TMTC4: variants seen among roughly 807,000 people sequenced by gnomAD.
The protein encoded by TMTC4 is transmembrane O-mannosyltransferase targeting cadherins 4, also known as protein O-mannosyl-transferase TMTC4.
In TMTC4, 65 loss-of-function variants were observed where a neutral mutation model predicts 86.0. The ratio of observed to expected loss-of-function variants is 0.76; its 90% CI spans 0.62 to 0.93. TMTC4 has a LOEUF of 0.93. Among genes scored for constraint, TMTC4 ranks in the 40% least tolerant of loss-of-function variants. The pLI is 0.00. For missense variants in TMTC4, 866 were observed against 948.1 expected (o/e 0.91, Z 1.14); for synonymous variants, 379 against 382.5 (o/e 0.99, Z 0.11).
At chr13:100,656,340 T>C (rs944810977) in intron 6 of TMTC4, 41 bp downstream of exon 6, 2 of 1,564,768 alleles carry the variant, frequency 1.3e-6, no homozygotes, top group Admixed American at 1.8e-5. Flanking sequence ...GACAAAAACA[T>C]GAAGAAGGTG....
intron 1 of TMTC4, among the ~76,000 whole-genome samples, chr13:100,672,400 G>A (rs989156023): frequency 6.6e-6 from 1 of 152,186 alleles, no homozygotes; most frequent in Non-Finnish European, 1.5e-5. Flanking sequence ...AACGACTTCT[G>A]TTCCTCAATG....
intron 7 of TMTC4, among the ~76,000 whole-genome samples, chr13:100,641,526 T>C (rs567688569): frequency 2.0e-4 from 31 of 152,200 alleles, no homozygotes; most frequent in African/African-American, 7.0e-4. Context: ...TTGCTGTTGT[T>C]GTCTAGGCTA....
chr13:100,649,737 C>T (rs935515842), intron 6 of TMTC4, among the ~76,000 whole-genome samples: 1 of 150,568 alleles, frequency 6.6e-6, no homozygotes, highest in South Asian at 2.1e-4. Flanking sequence ...CTGGAAGAAT[C>T]GCCATCATTA....
At position 100,635,127 on chromosome 13, in the gene TMTC4, A is replaced by G; in HGVS notation, c.1271T>C (p.Val424Ala). ...FLPASNLFFR[V>A]GFVVAERVLY... ...GACACGCTCTGCGACCACGAAGCCC[A>G]CTCGGAAGAACAGGTTACTCGCGGG... is the stretch of plus-strand genomic sequence containing the variant. Residue 424 changes from valine (V) to alanine (A), a missense_variant, in exon 11 of 19, where the codon GTG becomes GCG. By Grantham distance (64) the Val-to-Ala change is moderately conservative (BLOSUM62 0). Coordinates refer to ENST00000342624, the MANE Select transcript of TMTC4 (RefSeq NM_032813.5). The G allele has an allele frequency of 6.2e-7, 1 of 1,614,082 alleles. No individual in the cohort carries two copies. Among genetic ancestry groups the G allele is most frequent in the Non-Finnish European group, 8.5e-7 (1 of 1,180,006 alleles).
chr13:100,623,933 A>C (rs1489766845), intron 15 of TMTC4: 56 of 483,846 alleles, frequency 1.2e-4, no homozygotes, highest in Middle Eastern at 6.5e-4. Flanking sequence ...TGGTGCCTAA[A>C]GCTGTCTTTG....
At chr13:100,628,769 C>T (rs192564786) in intron 12 of TMTC4, among the ~76,000 whole-genome samples, 1 of 152,210 alleles carries the variant, frequency 6.6e-6, no homozygotes, top group East Asian at 1.9e-4. Flanking sequence ...TAAACATGGG[C>T]TTAGAATAAA....
intron 3 of TMTC4, chr13:100,665,845 T>C (rs563610001): frequency 7.9e-5 from 26 of 327,508 alleles, no homozygotes; most frequent in South Asian, 3.0e-4. Context: ...TTTGCTTCCA[T>C]GGGCATCGGC....
rs1881960637 is a variant in TMTC4 at position 100,634,791 on chromosome 13, T to G, written c.1506+14A>C. The G allele has an allele frequency of 5.6e-6, 9 of 1,609,516 alleles. No individual in the cohort carries two copies. The highest frequency in any genetic ancestry group is 7.6e-6 in the Non-Finnish European group (9 of 1,178,476). ...TAGTAAGGTCCCTTTAAAAGAAATC[T>G]GGCAGCTAGGTACCTTAGCATTGAG... On this transcript the variant is annotated intron_variant, in intron 12 of 18. Transcript: ENST00000342624.
rs949337670 is a variant in TMTC4, at chr13:100,637,565, G to A, written c.972C>T (p.Ala324=). ...PPAFTEVDNP[A]SFADSMLVRA... ...TCACCAGCATGCTGTCAGCAAAGGA[G>A]GCCGGGTTGTCCACCTCGGTGAAGG... The change falls in exon 9 of 19, where the codon GCC becomes GCT. Residue 324 remains alanine (A), a synonymous_variant. Transcript: ENST00000342624. 1.2e-6 allele frequency: 2 copies of A among 1,613,950 alleles called. No individual in the cohort carries two copies. Among genetic ancestry groups the A allele is most frequent in the Admixed American group, 3.3e-5 (2 of 60,000 alleles).
At chr13:100,614,281 A>AT in intron 16 of TMTC4, 35 bp downstream of exon 16, 1 of 1,518,126 alleles carries the variant, frequency 6.6e-7, no homozygotes, top group Non-Finnish European at 9.1e-7. Context: ...CTGTGGAGCC[A>AT]TTTCCTGTGA....
intron 16 of TMTC4, among the ~76,000 whole-genome samples, chr13:100,613,767 TCCCTCCCTCCCTC>T (rs970344460): frequency 3.4e-4 from 47 of 138,050 alleles, no homozygotes; most frequent in Admixed American, 1.0e-3. Context: ...TTCCCTCCCT[TCCCTCCCTCCCTC>T]CCTTCCTTCC....
intron 7 of TMTC4, among the ~76,000 whole-genome samples, chr13:100,639,162 C>G (rs1478071885): frequency 2.0e-5 from 3 of 152,146 alleles, no homozygotes; most frequent in Non-Finnish European, 4.4e-5. Flanking sequence ...ATATGATCTT[C>G]TTTGCGGCAA....
Position 100,625,550 on chromosome 13 carries a change from G to A in TMTC4, c.1821C>T (p.Tyr607=). ...CCGCGCTTACCAGACGCCCGAGGTTGTAGTAACAGTCTGGGTATTTCCTTC... is the reference window on the plus strand; with the variant it reads ...CCGCGCTTACCAGACGCCCGAGGTTATAGTAACAGTCTGGGTATTTCCTTC... The part of the protein sequence containing the change: ...KHRRKYPDCY[Y]NLGRLYADLN... The change falls in exon 15 of 19, where the codon TAC becomes TAT. Residue 607 remains tyrosine, a synonymous_variant. Coordinates refer to ENST00000342624, the MANE Select transcript of TMTC4 (RefSeq NM_032813.5). The A allele has an allele frequency of 6.2e-7, 1 of 1,614,098 alleles. No individual in the cohort carries two copies. Among genetic ancestry groups the A allele is most frequent in the South Asian group, 1.1e-5 (1 of 91,086 alleles).
chr13:100,635,330 C>A, intron 10 of TMTC4, 135 bp from the exon 11 acceptor site: 1 of 986,768 alleles, frequency 1.0e-6, no homozygotes, highest in Non-Finnish European at 1.4e-6. Flanking sequence ...TGTTGTCAGC[C>A]AAAGGATATC....
At position 100,664,310 on chromosome 13, in the gene TMTC4, C is replaced by T; in HGVS notation, c.246G>A (p.Gly82=). 1 of 1,610,780 alleles carries T rather than the reference C, an allele frequency of 6.2e-7. No homozygotes were observed. The highest frequency in any genetic ancestry group is 8.5e-7 in the Non-Finnish European group (1 of 1,178,352). ...NKDLQAETPL[G]DLWHHDFWGS... is the part of the protein sequence containing the mutation. ...CCCAGAAGTCATGATGCCACAGGTC[C>T]CCCAGGGGCGTTTCTGCTTGGAGGT... The change falls in exon 4 of 19, where the codon GGG becomes GGA. Residue 82 remains glycine, a synonymous_variant. Transcript: ENST00000342624.
At chr13:100,633,523 C>A (rs984705926) in intron 12 of TMTC4, among the ~76,000 whole-genome samples, 3 of 152,202 alleles carry the variant, frequency 2.0e-5, no homozygotes, top group East Asian at 1.9e-4. Context: ...AGCTTGGATT[C>A]ATCAAGAATA....
intron 6 of TMTC4, among the ~76,000 whole-genome samples, chr13:100,651,387 GTTTT>G (rs1211226042): frequency 1.3e-5 from 2 of 148,212 alleles, no homozygotes; most frequent in Non-Finnish European, 3.0e-5. Context: ...TCTCACTAGT[GTTTT>G]TTGTTTGTTT....
chr13:100,605,640 T>C lies in TMTC4; in HGVS notation c.2135-498A>G, dbSNP rs1202348986. ...TCAAGAGCTGACCCTAAAATGATAG[T>C]TACAGTAAACCTAATCATTAGGATG... is the stretch of plus-strand genomic sequence containing the variant. On this transcript the variant is annotated intron_variant, in intron 18 of 18. Transcript: ENST00000342624. The surrounding 1 kb of genome is among the most constrained non-coding windows in gnomAD (Gnocchi z 4.3). 6.6e-6 allele frequency among the ~76,000 whole-genome samples: 1 copy of C among 152,172 alleles called. No individual in the cohort carries two copies. Among genetic ancestry groups the C allele is most frequent in the Non-Finnish European group, 1.5e-5 (1 of 68,020 alleles).
chr13:100,668,928 C>G (rs1046964504), intron 2 of TMTC4, 134 bp from the exon 3 acceptor site: 68 of 972,020 alleles, frequency 7.0e-5, no homozygotes, highest in Middle Eastern at 3.3e-4. Flanking sequence ...CAATTTGAAG[C>G]TGTGCTTCCC....
Sources: allele counts gnomAD v4.1 joint callset (sites outside exome capture counted in the v4.1 genomes callset), GRCh38; gene constraint gnomAD v4.1.1; non-coding constraint Gnocchi (gnomAD v3.1); transcripts MANE v1.5; gene names NCBI Gene and HGNC (gene_info 2026-07-23, HGNC 2026-07-21).